The following DHH variants were observed in gnomAD, a reference collection of about 807,000 sequenced individuals.
DHH encodes desert hedgehog protein.
Under a neutral mutation model 27.6 loss-of-function variants are expected in DHH, and 16 were observed. The observed-to-expected ratio is 0.58, with a 90% CI of 0.39 to 0.88. DHH has a LOEUF of 0.88. Among genes scored for constraint, DHH ranks in the 40% least tolerant of loss-of-function variants. DHH has a pLI of 0.00. For missense variants in DHH, 436 were observed against 563.1 expected, an observed-to-expected ratio of 0.77 and a Z score of 2.28; for synonymous variants, 289 against 263.4, an observed-to-expected ratio of 1.10 and a Z score of -0.94.
chr12:49,094,332 C>T lies in DHH; in HGVS notation c.181G>A (p.Gly61Arg), dbSNP rs1939359002. 6.2e-7 allele frequency: 1 copy of T among 1,613,202 alleles called. No individual in the cohort carries two copies. The change falls in exon 1 of 3, where the codon GGG (glycine) becomes AGG (arginine). Residue 61 changes from glycine to arginine, a missense_variant. Gly to Arg is a moderately radical substitution (Grantham distance 125). Coordinates refer to ENST00000649637, the MANE Select transcript of DHH (RefSeq NM_021044.4). ...CTTGCCACCCTCCCCTCCGCTGGCC[C>T]ACTGGCGCCCAGGGTCCGCTCTGGC... ...GVPERTLGAS[G>R]PAEGRVARGS...
chr12:49,094,315 C>A lies in DHH; in HGVS notation c.198G>T (p.Arg66Ser). The A allele has an allele frequency of 6.2e-7, 1 of 1,613,356 alleles. No individual in the cohort carries two copies. The highest frequency in any genetic ancestry group is 8.5e-7 in the Non-Finnish European group (1 of 1,179,952). The change falls in exon 1 of 3, where the codon AGG becomes AGT. Residue 66 changes from arginine to serine, a missense_variant. By Grantham distance (110) the Arg-to-Ser change is moderately radical. Transcript: ENST00000649637. The stretch of plus-strand genomic sequence containing the variant: ...GGAAGCGCTCGGAGCCCCTTGCCAC[C>A]CTCCCCTCCGCTGGCCCACTGGCGC... ...TLGASGPAEGRVARGSERFRD... is the reference protein window; with the variant it reads ...TLGASGPAEGSVARGSERFRD...
Position 49,094,289 on chromosome 12 carries a change from C to G in DHH, c.224G>C (p.Arg75Pro), listed in dbSNP as rs1939357617. ...GRVARGSERF[R>P]DLVPNYNPDI... ...GGGGTTGTAGTTGGGCACGAGGTCC[C>G]GGAAGCGCTCGGAGCCCCTTGCCAC... Residue 75 changes from arginine (R) to proline (P), a missense_variant, in exon 1 of 3, where the codon CGG becomes CCG. Coordinates refer to ENST00000649637, the MANE Select transcript of DHH (RefSeq NM_021044.4). 2 of 1,613,284 alleles carry G rather than the reference C, an allele frequency of 1.2e-6. No homozygotes were observed. The highest frequency in any genetic ancestry group is 1.3e-5 in the African/African-American group (1 of 74,930).
chr12:49,090,429 G>T lies in DHH; in HGVS notation c.621C>A (p.Arg207=), dbSNP rs1592185320. ...GCCCTTTCCGCTCGCCGCTCCACAG[G>T]CGCACAGTTGCATTTCCCGGAAAGC... ...GGCFPGNATV[R]LWSGERKGLR... The change falls in exon 3 of 3, where the codon CGC becomes CGA. Residue 207 remains arginine, a synonymous_variant. Transcript: ENST00000649637. The surrounding 1 kb of genome is among the most constrained non-coding windows in gnomAD (Gnocchi z 5.2). 1.2e-6 allele frequency: 2 copies of T among 1,609,006 alleles called. No individual in the cohort carries two copies. Among genetic ancestry groups the T allele is most frequent in the Non-Finnish European group, 8.5e-7 (1 of 1,179,546 alleles).
chr12:49,094,590 AC>A lies in DHH; in HGVS notation c.-79del. 1 of 1,486,488 alleles carries A rather than the reference AC, an allele frequency of 6.7e-7. No individual in the cohort carries two copies. Among genetic ancestry groups the A allele is most frequent in the Non-Finnish European group, 9.2e-7 (1 of 1,090,318 alleles). The allele number at this position is 1,486,488 out of a possible 1,614,324, so 92.1% of individuals were successfully genotyped here. Reference sequence around the variant, plus strand: ...CTGTCAGTTAGGCATCTCCACAGGCACCAGAGAGGGCAGCAGGCACAGCTGC... The same window carrying A: ...CTGTCAGTTAGGCATCTCCACAGGCACAGAGAGGGCAGCAGGCACAGCTGC... On this transcript the variant is annotated 5_prime_UTR_variant, in exon 1 of 3. Transcript: ENST00000649637.
rs1464193550 is a variant in DHH at position 49,088,463 on chromosome 12, C to CGATGGGAG, written c.*1388_*1395dup. ...GGCGGTGTATAGCAGGGACCCTGTG[C>CGATGGGAG]GATGGGAGCGCACAGCGGCTACTGG... On this transcript the variant is annotated 3_prime_UTR_variant, in exon 3 of 3. Coordinates refer to ENST00000649637, the MANE Select transcript of DHH (RefSeq NM_021044.4). Among the ~76,000 whole-genome samples, 2 of 152,162 alleles carry CGATGGGAG rather than the reference C, an allele frequency of 1.3e-5. No homozygotes were observed. Among genetic ancestry groups the CGATGGGAG allele is most frequent in the East Asian group, 3.9e-4 (2 of 5,192 alleles).
In DHH at chr12:49,087,534, C is replaced by T. The variant is rs1939228055; in HGVS notation, c.*2325G>A. Among the ~76,000 whole-genome samples the T allele has an allele frequency of 6.6e-6, 1 of 152,158 alleles. No individual in the cohort carries two copies. Among genetic ancestry groups the T allele is most frequent in the African/African-American group, 2.4e-5 (1 of 41,438 alleles). On this transcript the variant is annotated 3_prime_UTR_variant, in exon 3 of 3. Transcript: ENST00000649637. ...CCTGGGCAACGTAGCAAGACTCTGT[C>T]TCTACAGAAAATACAAACATTAGCC...
In DHH at chr12:49,089,667, C is replaced by G. The variant is rs147261688; in HGVS notation, c.*192G>C. The G allele has an allele frequency of 1.0e-3, 616 of 611,820 alleles. 7 individuals are homozygous for G. The African/African-American group carries it at 0.01, about 10-fold the overall frequency. 37.9% of individuals were successfully genotyped at this position (611,820 alleles called of 1,614,324 possible). ...TCTTTAAGGAGTGCGCACCATCAGC[C>G]CTACCTACCTAGGACCCGGTATCAC... On this transcript the variant is annotated 3_prime_UTR_variant, in exon 3 of 3. Coordinates refer to ENST00000649637, the MANE Select transcript of DHH (RefSeq NM_021044.4).
In DHH at chr12:49,090,996, C is replaced by A; in HGVS notation, c.565+132G>T. The A allele has an allele frequency of 7.2e-7, 1 of 1,393,486 alleles. No homozygotes were observed. The highest frequency in any genetic ancestry group is 2.3e-5 in the East Asian group (1 of 43,780). 86.3% of individuals were successfully genotyped at this position (1,393,486 alleles called of 1,614,324 possible). A position where few individuals can be genotyped will look rare whatever the true frequency, so the allele number is the denominator to read the frequency against. ...GGATTAGAGGCGTGAGGCACCGCCT[C>A]GGCCTGGACGGGTGGTTTTCAACAC... On this transcript the variant is annotated intron_variant, in intron 2 of 2. Coordinates refer to ENST00000649637, the MANE Select transcript of DHH (RefSeq NM_021044.4). This position sits in a 1 kb window ranked among gnomAD's most constrained non-coding sequence, Gnocchi z 5.2.
In DHH at chr12:49,089,472, AAACG is replaced by A. The variant is rs2120819064; in HGVS notation, c.*383_*386del. ...CCCTTTATTAGCCCACCTTGCAGGA[AAACG>A]TCAGATGTCAGACTGGCTGGCTGTG... On this transcript the variant is annotated 3_prime_UTR_variant, in exon 3 of 3. Transcript: ENST00000649637. 1 of 171,540 alleles carries A rather than the reference AAACG, an allele frequency of 5.8e-6. No homozygotes were observed. Among genetic ancestry groups the A allele is most frequent in the Non-Finnish European group, 1.2e-5 (1 of 81,124 alleles). 10.6% of individuals were successfully genotyped at this position (171,540 alleles called of 1,614,324 possible).
In DHH at chr12:49,091,451, T is replaced by G. The variant is rs1307837008; in HGVS notation, c.304-62A>C. 6.3e-7 allele frequency: 1 copy of G among 1,599,900 alleles called. No individual in the cohort carries two copies. The highest frequency in any genetic ancestry group is 1.7e-5 in the Admixed American group (1 of 58,384). On this transcript the variant is annotated intron_variant, in intron 1 of 2. Transcript: ENST00000649637. This position sits in a 1 kb window ranked among gnomAD's most constrained non-coding sequence, Gnocchi z 4.8. Reference sequence around the variant, plus strand: ...ACCCTTGGGGCAAAAGGGACCTGGATAGGAGGGTTGATTCTTTGTTATTCC... The same window carrying G: ...ACCCTTGGGGCAAAAGGGACCTGGAGAGGAGGGTTGATTCTTTGTTATTCC...
intron 1 of DHH, chr12:49,093,025 C>T (rs1418804929): frequency 6.6e-6 from 1 of 152,222 alleles, no homozygotes; most frequent in African/African-American, 2.4e-5. Flanking sequence ...ACCCCTCCCT[C>T]TCCCCCCACC....
intron 1 of DHH, 140 bp downstream of exon 1, chr12:49,094,070 C>CCG: frequency 1.0e-6 from 1 of 957,466 alleles, no homozygotes; most frequent in African/African-American, 1.6e-5. Flanking sequence ...AGGATTTTTC[C>CCG]CCCCCCTGGG....
At position 49,091,454 on chromosome 12, in the gene DHH, G is replaced by A; in HGVS notation, c.304-65C>T. 2 of 1,597,164 alleles carry A rather than the reference G, an allele frequency of 1.3e-6. No homozygotes were observed. Among genetic ancestry groups the A allele is most frequent in the Non-Finnish European group, 1.7e-6 (2 of 1,173,682 alleles). Reference sequence around the variant, plus strand: ...CTTGGGGCAAAAGGGACCTGGATAGGAGGGTTGATTCTTTGTTATTCCGGC... The same window carrying A: ...CTTGGGGCAAAAGGGACCTGGATAGAAGGGTTGATTCTTTGTTATTCCGGC... On this transcript the variant is annotated intron_variant, in intron 1 of 2. Coordinates refer to ENST00000649637, the MANE Select transcript of DHH (RefSeq NM_021044.4). The surrounding 1 kb of genome is among the most constrained non-coding windows in gnomAD (Gnocchi z 4.8).
chr12:49,089,988 G>A lies in DHH; in HGVS notation c.1062C>T (p.His354=), dbSNP rs1939266224. The A allele has an allele frequency of 2.6e-6, 4 of 1,568,206 alleles. No homozygotes were observed. In the South Asian group the frequency reaches 4.7e-5, roughly 18 times the overall value. The change falls in exon 3 of 3, where the codon CAC becomes CAT. Residue 354 remains histidine, a synonymous_variant. Coordinates refer to ENST00000649637, the MANE Select transcript of DHH (RefSeq NM_021044.4). ...YAVLESHQWA[H]RAFAPLRLLH... is the part of the protein sequence containing the mutation. ...GCAGTCTCAAGGGGGCAAAAGCGCG[G>A]TGCGCCCACTGGTGACTCTCCAGAA...
Position 49,094,588 on chromosome 12 carries a change from GCA to G in DHH, c.-78_-77del. On this transcript the variant is annotated 5_prime_UTR_variant, in exon 1 of 3. Transcript: ENST00000649637. Reference sequence around the variant, plus strand: ...TCCTGTCAGTTAGGCATCTCCACAGGCACCAGAGAGGGCAGCAGGCACAGCTG... The same window carrying G: ...TCCTGTCAGTTAGGCATCTCCACAGGCCAGAGAGGGCAGCAGGCACAGCTG... 2.0e-6 allele frequency: 3 copies of G among 1,488,434 alleles called. No homozygotes were observed. Among genetic ancestry groups the G allele is most frequent in the Non-Finnish European group, 2.7e-6 (3 of 1,092,102 alleles). 92.2% of individuals were successfully genotyped at this position (1,488,434 alleles called of 1,614,324 possible).
At chr12:49,094,077 TG>T (rs1939351961) in intron 1 of DHH, 132 bp downstream of exon 1, 44 of 1,036,328 alleles carry the variant, frequency 4.2e-5, no homozygotes, top group Non-Finnish European at 6.1e-5. Flanking sequence ...TTCCCCCCCC[TG>T]GGGCTGGTGA....
In DHH at chr12:49,091,687, C is replaced by T. The variant is rs968661603; in HGVS notation, c.304-298G>A. On this transcript the variant is annotated intron_variant, in intron 1 of 2. Transcript: ENST00000649637. This position sits in a 1 kb window ranked among gnomAD's most constrained non-coding sequence, Gnocchi z 4.8. ...TATTGGTTCAGGGACAGCGGCTCAACCTGGGAGAAGGACAGAGTTAGGAGG... is the reference window on the plus strand; with the variant it reads ...TATTGGTTCAGGGACAGCGGCTCAATCTGGGAGAAGGACAGAGTTAGGAGG... Among the ~76,000 whole-genome samples the T allele has an allele frequency of 2.0e-4, 30 of 152,256 alleles. No homozygotes were observed. The highest frequency in any genetic ancestry group is 7.0e-4 in the African/African-American group (29 of 41,542).
rs1052616158 is a variant in DHH at position 49,087,916 on chromosome 12, C to T, written c.*1943G>A. Among the ~76,000 whole-genome samples, 3 of 152,016 alleles carry T rather than the reference C, an allele frequency of 2.0e-5. No individual in the cohort carries two copies. Among genetic ancestry groups the T allele is most frequent in the African/African-American group, 7.3e-5 (3 of 41,360 alleles). The stretch of plus-strand genomic sequence containing the variant: ...ACAGCTTGGGATGTGTTTCTGAGAC[C>T]CGGAAAAACAAAGGTGGCAACAGAG... On this transcript the variant is annotated 3_prime_UTR_variant, in exon 3 of 3. Transcript: ENST00000649637.
Position 49,094,258 on chromosome 12 carries a change from G to T in DHH, c.255C>A (p.Ile85=). Residue 85 remains isoleucine (I), a synonymous_variant, in exon 1 of 3, where the codon ATC becomes ATA. Transcript: ENST00000649637. The part of the protein sequence containing the change: ...RDLVPNYNPD[I]IFKDEENSGA... ...CACTGTTCTCCTCATCCTTGAAGAT[G>T]ATGTCGGGGTTGTAGTTGGGCACGA... is the stretch of plus-strand genomic sequence containing the variant. 6.2e-7 allele frequency: 1 copy of T among 1,613,588 alleles called. No individual in the cohort carries two copies. Among genetic ancestry groups the T allele is most frequent in the Non-Finnish European group, 8.5e-7 (1 of 1,180,022 alleles).
Sources: allele counts gnomAD v4.1 joint callset (sites outside exome capture counted in the v4.1 genomes callset), GRCh38; gene constraint gnomAD v4.1.1; non-coding constraint Gnocchi (gnomAD v3.1); transcripts MANE v1.5; gene names NCBI Gene and HGNC (gene_info 2026-07-23, HGNC 2026-07-21).